Variants in ZNF708 observed in about 807,000 individuals in gnomAD.
ZNF708 encodes the protein zinc finger protein 708.
A neutral mutation model predicts 47.0 loss-of-function variants in ZNF708; 44 were observed. The observed-to-expected ratio is 0.94, with a 90% CI of 0.74 to 1.20. The LOEUF is 1.20. ZNF708 is among the 50% of genes most tolerant of loss of function. The pLI is 0.00. For missense variants in ZNF708, 557 were observed against 656.0 expected (o/e 0.85, Z 1.65); for synonymous variants, 184 against 218.5 (o/e 0.84, Z 1.39).
intron 3 of ZNF708, among the ~76,000 whole-genome samples, chr19:21,306,293 G>GA (rs1288024208): frequency 1.3e-5 from 2 of 152,008 alleles, no homozygotes; most frequent in African/African-American, 4.8e-5. Flanking sequence ...ATGCCTCCTA[G>GA]AAAATGGGTG....
At chr19:21,325,540 T>C (rs1310454644) in intron 1 of ZNF708, among the ~76,000 whole-genome samples, 1 of 152,162 alleles carries the variant, frequency 6.6e-6, no homozygotes, top group Non-Finnish European at 1.5e-5. Flanking sequence ...TGGATCCTCA[T>C]CTCTCATCTT....
At chr19:21,310,939 C>T (rs1232765244) in intron 1 of ZNF708, among the ~76,000 whole-genome samples, 1 of 152,050 alleles carries the variant, frequency 6.6e-6, no homozygotes. Flanking sequence ...TACAGAATGA[C>T]TTGTGTATAT....
chr19:21,319,570 C>T (rs1227488229), intron 1 of ZNF708, among the ~76,000 whole-genome samples: 2 of 151,980 alleles, frequency 1.3e-5, no homozygotes, highest in East Asian at 3.9e-4. Context: ...TCTGTATCAA[C>T]CTCCGGAGTA....
chr19:21,312,634 T>G (rs575550851), intron 1 of ZNF708, among the ~76,000 whole-genome samples: 81 of 152,334 alleles, frequency 5.3e-4, no homozygotes, highest in South Asian at 1.0e-3. Flanking sequence ...AGCTTAAAAT[T>G]CACTTGGTAA....
Position 21,294,502 on chromosome 19 carries a change from G to C in ZNF708, c.464C>G (p.Ala155Gly). 1 of 1,613,962 alleles carries C rather than the reference G, an allele frequency of 6.2e-7. No individual in the cohort carries two copies. The highest frequency in any genetic ancestry group is 8.5e-7 in the Non-Finnish European group (1 of 1,179,980). Residue 155 changes from alanine to glycine, a missense_variant, in exon 4 of 4, where the codon GCA becomes GGA. Coordinates refer to ENST00000356929, the MANE Select transcript of ZNF708 (RefSeq NM_021269.3). ...YVKVFHKYSN[A>G]KRHKIRHTGK... ...AGTATGTCTTATCTTATGTCTCTTT[G>C]CATTTGAATATTTATGAAAGACTTT...
chr19:21,309,468 G>A, intron 2 of ZNF708, 127 bp from the exon 3 acceptor site: 1 of 867,046 alleles, frequency 1.2e-6, no homozygotes, highest in African/African-American at 1.8e-5. Context: ...AGCACTCTGA[G>A]AGGCCGAGGT....
chr19:21,302,789 A>C (rs185552190), intron 3 of ZNF708, among the ~76,000 whole-genome samples: 13 of 152,230 alleles, frequency 8.5e-5, no homozygotes, highest in African/African-American at 3.1e-4. Flanking sequence ...ATATTTATCG[A>C]AAGTATAAAT....
chr19:21,326,111 G>A (rs1973251542), intron 1 of ZNF708, among the ~76,000 whole-genome samples: 1 of 152,196 alleles, frequency 6.6e-6, no homozygotes, highest in Non-Finnish European at 1.5e-5. Context: ...CTACATTGCT[G>A]GTGGGAATGT....
intron 1 of ZNF708, among the ~76,000 whole-genome samples, chr19:21,320,139 G>A (rs995539633): frequency 6.6e-6 from 1 of 152,020 alleles, no homozygotes; most frequent in Non-Finnish European, 1.5e-5. Flanking sequence ...TCATGCCACT[G>A]CACTCCAGCC....
intron 3 of ZNF708, among the ~76,000 whole-genome samples, chr19:21,300,207 G>A (rs368187327): frequency 3.0e-5 from 4 of 134,902 alleles, no homozygotes; most frequent in East Asian, 2.1e-4. Flanking sequence ...GCAAGACTCC[G>A]TCTCAAAAAA....
chr19:21,329,325 C>A lies in ZNF708; in HGVS notation c.-113G>T. Reference sequence around the variant, plus strand: ...AGCAGAGGACAAACAGCAGTGAAGACGAGACCGGAGCTCCGGCTGCAGCAA... The same window carrying A: ...AGCAGAGGACAAACAGCAGTGAAGAAGAGACCGGAGCTCCGGCTGCAGCAA... On this transcript the variant is annotated 5_prime_UTR_variant, in exon 1 of 4. Transcript: ENST00000356929. 1 of 1,513,910 alleles carries A rather than the reference C, an allele frequency of 6.6e-7. No homozygotes were observed. The highest frequency in any genetic ancestry group is 1.1e-5 in the South Asian group (1 of 88,852). The allele number at this position is 1,513,910 out of a possible 1,614,324, so 93.8% of individuals were successfully genotyped here. A position where few individuals can be genotyped will look rare whatever the true frequency, so the allele number is the denominator to read the frequency against.
At chr19:21,301,641 A>AC (rs936376185) in intron 3 of ZNF708, among the ~76,000 whole-genome samples, 52 of 151,526 alleles carry the variant, frequency 3.4e-4, no homozygotes, top group African/African-American at 1.2e-3. Context: ...AAACAAACAA[A>AC]AAAAAATTAG....
chr19:21,329,209 C>A lies in ZNF708; in HGVS notation c.3+1G>T. ...CTCGGGATGTCGGACGGCACTCTCACCATTTCTAGGCTTCCAGAGGGTCCT... is the reference window on the plus strand; with the variant it reads ...CTCGGGATGTCGGACGGCACTCTCAACATTTCTAGGCTTCCAGAGGGTCCT... On this transcript the variant is annotated splice_donor_variant, in intron 1 of 3. Coordinates refer to ENST00000356929, the MANE Select transcript of ZNF708 (RefSeq NM_021269.3). LOFTEE classifies it high-confidence loss of function. 5 of 1,612,226 alleles carry A rather than the reference C, an allele frequency of 3.1e-6. No individual in the cohort carries two copies. The South Asian group carries it at 5.5e-5, about 18-fold the overall frequency.
chr19:21,300,211 CA>C lies in ZNF708; in HGVS notation c.227-5473del, dbSNP rs370885126. On this transcript the variant is annotated intron_variant, in intron 3 of 3. Transcript: ENST00000356929. Reference sequence around the variant, plus strand: ...TGGGCAACAGAGCAAGACTCCGTCTCAAAAAAAAAAAAAAAATGCTGGGCAC... The same window carrying C: ...TGGGCAACAGAGCAAGACTCCGTCTCAAAAAAAAAAAAAAATGCTGGGCAC... Among the ~76,000 whole-genome samples, 543 of 103,644 alleles carry C rather than the reference CA, an allele frequency of 5.2e-3. 2 individuals carry two copies. Among genetic ancestry groups the C allele is most frequent in the African/African-American group, 9.9e-3 (260 of 26,320 alleles). The allele number at this position is 103,644 out of a possible 152,430, so 68.0% of individuals were successfully genotyped here.
At chr19:21,298,264 C>A (rs1599669980) in intron 3 of ZNF708, among the ~76,000 whole-genome samples, 1 of 151,940 alleles carries the variant, frequency 6.6e-6, no homozygotes, top group Non-Finnish European at 1.5e-5. Flanking sequence ...TTGAAAGGAC[C>A]ATCTGTTAGG....
rs1972481011 is a variant in ZNF708 at position 21,294,340 on chromosome 19, G to C, written c.626C>G (p.Ser209Ter). ...EECGKAFKKSSNLTNHKIIHT... is the reference protein window; with the variant it reads ...EECGKAFKKS ...AATTATCTTATGATTCGTAAGGTTT[G>C]AGGACTTTTTAAAAGCTTTGCCACA... Residue 209 changes from serine (S) to a stop codon, truncating the protein, a stop_gained, in exon 4 of 4, where the codon TCA becomes TGA. Coordinates refer to ENST00000356929, the MANE Select transcript of ZNF708 (RefSeq NM_021269.3). LOFTEE classifies it high-confidence loss of function. The C allele has an allele frequency of 6.2e-7, 1 of 1,613,486 alleles. No individual in the cohort carries two copies. The highest frequency in any genetic ancestry group is 2.2e-5 in the East Asian group (1 of 44,854).
At chr19:21,310,444 C>CA (rs368336971) in intron 2 of ZNF708, 57 bp downstream of exon 2, 43,682 of 617,422 alleles carry the variant, frequency 0.071, 122 homozygotes, top group African/African-American at 0.13. Context: ...AACTCTGTCT[C>CA]AAAAAAAAAA....
chr19:21,329,034 C>A (rs866376615), intron 1 of ZNF708, among the ~76,000 whole-genome samples, 176 bp downstream of exon 1: 2 of 152,220 alleles, frequency 1.3e-5, no homozygotes, highest in African/African-American at 4.8e-5. Context: ...GGGGGCCCGG[C>A]TGTCGGCGCA....
chr19:21,317,719 C>T (rs1040445187), intron 1 of ZNF708, among the ~76,000 whole-genome samples: 5 of 152,178 alleles, frequency 3.3e-5, no homozygotes, highest in African/African-American at 1.2e-4. Flanking sequence ...CATAATTAGT[C>T]CACAAGTCGA....
Sources: gnomAD v4.1 joint callset for allele counts (sites outside exome capture counted in the v4.1 genomes callset) on GRCh38, gnomAD v4.1.1 for gene constraint, MANE v1.5 for transcripts, NCBI Gene and HGNC (gene_info 2026-07-23, HGNC 2026-07-21) for gene names.